The following DSG2 variants were observed in gnomAD, a reference collection of about 807,000 sequenced individuals.
DSG2 encodes desmoglein-2.
DSG2 carries 45 observed loss-of-function variants against 75.6 expected under a neutral mutation model. The ratio of observed to expected loss-of-function variants is 0.60; its 90% CI spans 0.47 to 0.76. The LOEUF (loss-of-function observed/expected upper bound fraction) is 0.76, where lower values mean the gene tolerates loss of function less well. DSG2 is among the 30% of genes least tolerant of loss of function. The pLI, the probability that DSG2 is intolerant of heterozygous loss-of-function variation, is 0.00. For missense variants in DSG2, 1,267 were observed against 1,357.4 expected, an observed-to-expected ratio of 0.93 and a Z score of 1.05; for synonymous variants, 429 against 483.9, an observed-to-expected ratio of 0.89 and a Z score of 1.49.
chr18:31,522,319 T>C, intron 6 of DSG2, 70 bp downstream of exon 6: 1 of 1,448,882 alleles, frequency 6.9e-7, no homozygotes. Flanking sequence ...TCTTTTTCTT[T>C]TCTAATTTTC....
chr18:31,541,800 C>A (rs3829628), intron 13 of DSG2, among the ~76,000 whole-genome samples: 33,214 of 152,138 alleles, frequency 0.22, 4,409 homozygotes, highest in East Asian at 0.46. Context: ...CTGTTATGAG[C>A]ACCATTTCTA....
rs794728083 is a variant in DSG2, at chr18:31,524,526, C to G, written c.769C>G (p.Gln257Glu). 2 of 1,613,954 alleles carry G rather than the reference C, an allele frequency of 1.2e-6. No homozygotes were observed. The highest frequency in any genetic ancestry group is 8.5e-7 in the Non-Finnish European group (1 of 1,180,002). Residue 257 changes from glutamine (Q) to glutamate (E), a missense_variant, in exon 7 of 15, where the codon CAA (glutamine) becomes GAA (glutamate). Transcript: ENST00000261590. ...EVTDKPVKQA[Q>E]VQIRILDVND... ...TACAGACAAACCTGTAAAACAAGCT[C>G]AAGTTCAGATTCGTATTTTGGATGT...
intron 1 of DSG2, 127 bp from the exon 2 acceptor site, chr18:31,518,112 G>C: frequency 1.4e-6 from 1 of 736,790 alleles, no homozygotes; most frequent in East Asian, 2.7e-5. Context: ...TCTTGACAAA[G>C]AATAGTAGTA....
At chr18:31,533,045 A>T (rs577886396) in intron 9 of DSG2, among the ~76,000 whole-genome samples, 20 of 152,368 alleles carry the variant, frequency 1.3e-4, no homozygotes, top group African/African-American at 4.6e-4. Context: ...ATGCAGTTAC[A>T]GAATTTTAGA....
At chr18:31,530,518 A>G (rs1007490524) in intron 8 of DSG2, among the ~76,000 whole-genome samples, 6 of 152,202 alleles carry the variant, frequency 3.9e-5, no homozygotes, top group African/African-American at 1.4e-4. Context: ...TCTGGGCTCA[A>G]GCAATCCTCC....
chr18:31,531,327 T>A, intron 9 of DSG2, 75 bp downstream of exon 9: 1 of 1,513,442 alleles, frequency 6.6e-7, no homozygotes, highest in Non-Finnish European at 9.1e-7. Flanking sequence ...CATAATCAAA[T>A]CTGAACACTT....
At chr18:31,504,284 T>G (rs952321150) in intron 1 of DSG2, among the ~76,000 whole-genome samples, 3 of 152,166 alleles carry the variant, frequency 2.0e-5, no homozygotes, top group African/African-American at 7.2e-5. Flanking sequence ...CACCACTCTT[T>G]CAAGCCCCCT....
At position 31,536,326 on chromosome 18, in the gene DSG2, T is replaced by C. The variant is rs2073230585; in HGVS notation, c.1548T>C (p.Thr516=). The change falls in exon 11 of 15, where the codon ACT becomes ACC. Residue 516 remains threonine, a synonymous_variant. Transcript: ENST00000261590. ...ICHDAEYVNV[T]AEDLDGHPNS... is the part of the protein sequence containing the mutation. ...ACGATGCAGAGTATGTGAATGTTAC[T>C]GCAGAGGACCTGGATGGACACCCAA... 6.2e-7 allele frequency: 1 copy of C among 1,614,228 alleles called. No homozygotes were observed. Among genetic ancestry groups the C allele is most frequent in the Non-Finnish European group, 8.5e-7 (1 of 1,180,036 alleles).
chr18:31,536,205 A>T lies in DSG2; in HGVS notation c.1427A>T (p.Tyr476Phe). ...TVKIVAISED[Y>F]PRKTITGTVL... ...CTTTTTCTCTCTTATTTTTAAGATT[A>T]TCCTAGAAAAACCATCACTGGCACA... The change falls in exon 11 of 15, where the codon TAT becomes TTT. Residue 476 changes from tyrosine to phenylalanine, a missense_variant. Transcript: ENST00000261590. 6 of 1,614,002 alleles carry T rather than the reference A, an allele frequency of 3.7e-6. No individual in the cohort carries two copies. Among genetic ancestry groups the T allele is most frequent in the Non-Finnish European group, 5.1e-6 (6 of 1,179,910 alleles).
At chr18:31,520,985 T>A (rs369486196) in intron 4 of DSG2, 21 bp downstream of exon 4, 1 of 1,611,640 alleles carries the variant, frequency 6.2e-7, no homozygotes, top group African/African-American at 1.3e-5. Context: ...TAATTTTAGA[T>A]TTATTAGTTT....
chr18:31,531,315 AT>A, intron 9 of DSG2, 63 bp downstream of exon 9: 1 of 1,569,148 alleles, frequency 6.4e-7, no homozygotes. Context: ...ATTTTCAAAA[AT>A]CATAATCAAA....
Position 31,524,893 on chromosome 18 carries a change from G to T in DSG2, c.1014+5G>T. On this transcript the variant is annotated splice_donor_5th_base_variant and intron_variant, in intron 8 of 14. Coordinates refer to ENST00000261590, the MANE Select transcript of DSG2 (RefSeq NM_001943.5). ...GGAATTGTGACCCTTATTAAGGTAA[G>T]TACTAAGTATTCAAAACTGGCGTGG... The T allele has an allele frequency of 6.2e-7, 1 of 1,614,064 alleles. No individual in the cohort carries two copies. Among genetic ancestry groups the T allele is most frequent in the Non-Finnish European group, 8.5e-7 (1 of 1,179,918 alleles).
chr18:31,539,926 A>G (rs1019064703), intron 12 of DSG2, among the ~76,000 whole-genome samples: 2 of 152,064 alleles, frequency 1.3e-5, no homozygotes, highest in African/African-American at 2.4e-5. Context: ...CTCAAACTCT[A>G]TCGTGAACTA....
chr18:31,525,008 T>G, intron 8 of DSG2, 120 bp downstream of exon 8: 1 of 987,870 alleles, frequency 1.0e-6, no homozygotes, highest in Non-Finnish European at 1.6e-6. Flanking sequence ...GCACTACAGT[T>G]GTTTGAGAAA....
At chr18:31,499,649 T>A (rs188064384) in intron 1 of DSG2, among the ~76,000 whole-genome samples, 280 of 152,318 alleles carry the variant, frequency 1.8e-3, no homozygotes, top group Non-Finnish European at 2.9e-3. Context: ...CCTTGATGTT[T>A]CCTTGTTTAA....
chr18:31,524,355 T>A, intron 6 of DSG2, 93 bp from the exon 7 acceptor site: 1 of 1,499,282 alleles, frequency 6.7e-7, no homozygotes, highest in Non-Finnish European at 9.3e-7. Flanking sequence ...AAATAAAATA[T>A]ACTGTGGTAC....
intron 13 of DSG2, among the ~76,000 whole-genome samples, chr18:31,541,784 C>A (rs571779946): frequency 1.3e-5 from 2 of 152,300 alleles, no homozygotes; most frequent in East Asian, 3.9e-4. Context: ...GACCTCTCAC[C>A]ACCATCTGTT....
At chr18:31,505,169 C>T (rs1042902129) in intron 1 of DSG2, among the ~76,000 whole-genome samples, 2 of 152,202 alleles carry the variant, frequency 1.3e-5, no homozygotes, top group Admixed American at 6.5e-5. Flanking sequence ...TTGCCACCAT[C>T]GTATAGTTCT....
In DSG2 at chr18:31,531,007, G is replaced by A. The variant is rs2073193874; in HGVS notation, c.1035G>A (p.Met345Ile). 6.2e-7 allele frequency: 1 copy of A among 1,613,680 alleles called. No homozygotes were observed. Among genetic ancestry groups the A allele is most frequent in the Admixed American group, 1.7e-5 (1 of 59,978 alleles). The change falls in exon 9 of 15, where the codon ATG (methionine) becomes ATA (isoleucine). Residue 345 changes from methionine (M) to isoleucine (I), a missense_variant. Transcript: ENST00000261590. ...TLIKEVDYEE[M>I]KNLDFSVIVA... ...TTCAGGAAGTAGATTATGAAGAAAT[G>A]AAGAATCTTGACTTCAGTGTTATTG...
Sources: allele counts gnomAD v4.1 joint callset (sites outside exome capture counted in the v4.1 genomes callset), GRCh38; gene constraint gnomAD v4.1.1; transcripts MANE v1.5; gene names NCBI Gene and HGNC (gene_info 2026-07-23, HGNC 2026-07-21).